The following OLFML2A variants were observed in gnomAD, a reference collection of about 807,000 sequenced individuals.
OLFML2A encodes olfactomedin-like protein 2A.
A neutral mutation model predicts 60.9 loss-of-function variants in OLFML2A; 47 were observed. That is an observed-to-expected ratio of 0.77 (90% CI 0.61 to 0.98). OLFML2A has a LOEUF of 0.98. OLFML2A is among the 50% of genes least tolerant of loss of function. The pLI, the probability that OLFML2A is intolerant of heterozygous loss-of-function variation, is 0.00. For synonymous variants in OLFML2A, 372 were observed against 375.0 expected (o/e 0.99, Z 0.09); for missense variants, 922 against 879.8 (o/e 1.05, Z -0.61).
chr9:124,796,019 A>G (rs558680589), intron 3 of OLFML2A, among the ~76,000 whole-genome samples: 2 of 152,246 alleles, frequency 1.3e-5, no homozygotes, highest in South Asian at 4.1e-4. Flanking sequence ...GCGCAGCCTC[A>G]CCTCCGCCTG....
intron 2 of OLFML2A, among the ~76,000 whole-genome samples, chr9:124,794,706 C>T (rs1258612193): frequency 6.6e-6 from 1 of 152,160 alleles, no homozygotes; most frequent in African/African-American, 2.4e-5. Context: ...ACTGCAACCC[C>T]CACCTTCTGG....
chr9:124,795,093 G>T lies in OLFML2A; in HGVS notation c.424G>T (p.Val142Phe). ...SMDLMKVHAY[V>F]HKVASQMNTL... ...GGACTTGATGAAGGTGCACGCCTAC[G>T]TCCACAAGGTGGCCTCCCAGATGAA... Residue 142 changes from valine (V) to phenylalanine (F), a missense_variant, in exon 3 of 8, where the codon GTC becomes TTC. Val to Phe is a conservative substitution (Grantham distance 50). Coordinates refer to ENST00000373580, the MANE Select transcript of OLFML2A (RefSeq NM_182487.4). 2 of 1,607,382 alleles carry T rather than the reference G, an allele frequency of 1.2e-6. No individual in the cohort carries two copies. The highest frequency in any genetic ancestry group is 1.1e-5 in the South Asian group (1 of 89,726).
At position 124,811,267 on chromosome 9, in the gene OLFML2A, C is replaced by T. The variant is rs1260653037; in HGVS notation, c.*855C>T. The T allele has an allele frequency of 6.5e-6, 1 of 152,684 alleles. No individual in the cohort carries two copies. Among genetic ancestry groups the T allele is most frequent in the Admixed American group, 6.5e-5 (1 of 15,290 alleles). The allele number at this position is 152,684 out of a possible 1,614,324, so 9.5% of individuals were successfully genotyped here. A position where few individuals can be genotyped will look rare whatever the true frequency, so the allele number is the denominator to read the frequency against. On this transcript the variant is annotated 3_prime_UTR_variant, in exon 8 of 8. Coordinates refer to ENST00000373580, the MANE Select transcript of OLFML2A (RefSeq NM_182487.4). ...AGGGTGGGGAGCTGAGCTGAGGCTC[C>T]CTCTCCACCCAGAAGCACTGGCGTT...
chr9:124,811,943 C>T lies in OLFML2A; in HGVS notation c.*1531C>T, dbSNP rs931567398. The T allele has an allele frequency of 6.6e-6, 1 of 152,324 alleles. No individual in the cohort carries two copies. The highest frequency in any genetic ancestry group is 2.4e-5 in the African/African-American group (1 of 41,460). The allele number at this position is 152,324 out of a possible 1,614,324, so 9.4% of individuals were successfully genotyped here. Reference sequence around the variant, plus strand: ...CGATCTCCTTCCAGAAGGGTTCTGTCTGTATCCTTTATTCTCCGCACATGG... The same window carrying T: ...CGATCTCCTTCCAGAAGGGTTCTGTTTGTATCCTTTATTCTCCGCACATGG... On this transcript the variant is annotated 3_prime_UTR_variant, in exon 8 of 8. Coordinates refer to ENST00000373580, the MANE Select transcript of OLFML2A (RefSeq NM_182487.4).
intron 1 of OLFML2A, among the ~76,000 whole-genome samples, chr9:124,786,132 A>C (rs1271364998): frequency 6.6e-6 from 1 of 151,990 alleles, no homozygotes; most frequent in Admixed American, 6.6e-5. Context: ...AAACAAAACA[A>C]AACAAAAAGA....
chr9:124,784,267 G>A (rs546032897), intron 1 of OLFML2A, among the ~76,000 whole-genome samples: 2 of 151,386 alleles, frequency 1.3e-5, no homozygotes, highest in African/African-American at 2.4e-5. Flanking sequence ...GAAGTGGCAC[G>A]ATCTTGGCTC....
In OLFML2A at chr9:124,777,446, C is replaced by G. The variant is rs1841279036; in HGVS notation, c.90+86C>G. 1 of 1,187,576 alleles carries G rather than the reference C, an allele frequency of 8.4e-7. No homozygotes were observed. The allele number at this position is 1,187,576 out of a possible 1,614,324, so 73.6% of individuals were successfully genotyped here. A position where few individuals can be genotyped will look rare whatever the true frequency, so the allele number is the denominator to read the frequency against. On this transcript the variant is annotated intron_variant, in intron 1 of 7. Transcript: ENST00000373580. The surrounding 1 kb of genome is among the most constrained non-coding windows in gnomAD (Gnocchi z 6.2). ...GGCTGGGGTGCGGCCCGGGAGGGAGCCCGGGGCCAGGGCGGAGGAGCCGGG... is the reference window on the plus strand; with the variant it reads ...GGCTGGGGTGCGGCCCGGGAGGGAGGCCGGGGCCAGGGCGGAGGAGCCGGG...
chr9:124,797,054 A>G (rs997136913), intron 3 of OLFML2A, among the ~76,000 whole-genome samples: 1 of 152,148 alleles, frequency 6.6e-6, no homozygotes, highest in Non-Finnish European at 1.5e-5. Flanking sequence ...GCCAGGGTAG[A>G]GTGCAGCCTC....
chr9:124,808,431 C>T (rs112921281), intron 7 of OLFML2A, among the ~76,000 whole-genome samples: 7 of 152,068 alleles, frequency 4.6e-5, no homozygotes, highest in Admixed American at 3.9e-4. Context: ...ATGGAGCTGA[C>T]GGCACAGGGA....
At position 124,814,877 on chromosome 9, in the gene OLFML2A, T is replaced by G. The variant is rs1842085348; in HGVS notation, c.*4465T>G. The G allele has an allele frequency of 6.6e-6, 1 of 152,244 alleles. No homozygotes were observed. The highest frequency in any genetic ancestry group is 2.4e-5 in the African/African-American group (1 of 41,460). 9.4% of individuals were successfully genotyped at this position (152,244 alleles called of 1,614,324 possible). A position where few individuals can be genotyped will look rare whatever the true frequency, so the allele number is the denominator to read the frequency against. On this transcript the variant is annotated 3_prime_UTR_variant, in exon 8 of 8. Coordinates refer to ENST00000373580, the MANE Select transcript of OLFML2A (RefSeq NM_182487.4). ...ATAAAGACATGATCAAAGGTTTGATTTAAAAGTCTGGACTAAATGCTGTGG... is the reference window on the plus strand; with the variant it reads ...ATAAAGACATGATCAAAGGTTTGATGTAAAAGTCTGGACTAAATGCTGTGG...
chr9:124,806,528 C>T (rs866973337), intron 6 of OLFML2A, among the ~76,000 whole-genome samples: 72 of 152,116 alleles, frequency 4.7e-4, no homozygotes, highest in South Asian at 2.5e-3. Flanking sequence ...CTCAATCCCC[C>T]CATCCACTAG....
chr9:124,783,275 C>T (rs1185070076), intron 1 of OLFML2A, among the ~76,000 whole-genome samples: 4 of 152,074 alleles, frequency 2.6e-5, no homozygotes. Context: ...AGTTTGAGAC[C>T]AGCCTGGCCA....
At position 124,810,116 on chromosome 9, in the gene OLFML2A, C is replaced by A. The variant is rs1361548239; in HGVS notation, c.1663C>A (p.Pro555Thr). The change falls in exon 8 of 8, where the codon CCC becomes ACC. Residue 555 changes from proline (P) to threonine (T), a missense_variant. By Grantham distance (38) the Pro-to-Thr change is conservative (BLOSUM62 -1). Coordinates refer to ENST00000373580, the MANE Select transcript of OLFML2A (RefSeq NM_182487.4). ...PEVIVLSRLD[P>T]GDLSVHRETT... ...GGTGATCGTCCTGAGTCGCTTGGACCCCGGCGATCTCTCCGTGCACCGGGA... is the reference window on the plus strand; with the variant it reads ...GGTGATCGTCCTGAGTCGCTTGGACACCGGCGATCTCTCCGTGCACCGGGA... The A allele has an allele frequency of 5.0e-6, 8 of 1,613,736 alleles. No homozygotes were observed. Among genetic ancestry groups the A allele is most frequent in the Non-Finnish European group, 6.8e-6 (8 of 1,180,028 alleles).
At chr9:124,793,045 C>A (rs1242632515) in intron 2 of OLFML2A, among the ~76,000 whole-genome samples, 1 of 152,198 alleles carries the variant, frequency 6.6e-6, no homozygotes, top group Non-Finnish European at 1.5e-5. Flanking sequence ...AGAAAAGCTC[C>A]CTGGCTTAAA....
At position 124,801,590 on chromosome 9, in the gene OLFML2A, C is replaced by T. The variant is rs776509268; in HGVS notation, c.846C>T (p.Ala282=). Residue 282 remains alanine (A), a synonymous_variant, in exon 5 of 8, where the codon GCC becomes GCT. Transcript: ENST00000373580. Reference sequence around the variant, plus strand: ...CCACAGCCAAGCCCCGCGCCCTGGCCCAGCAGCAGGCTGTGATCCGGGGCT... The same window carrying T: ...CCACAGCCAAGCCCCGCGCCCTGGCTCAGCAGCAGGCTGTGATCCGGGGCT... ...LQPTAKPRAL[A]QQQAVIRGFT... 1.2e-6 allele frequency: 2 copies of T among 1,613,938 alleles called. No individual in the cohort carries two copies. Among genetic ancestry groups the T allele is most frequent in the South Asian group, 1.1e-5 (1 of 91,080 alleles).
chr9:124,785,792 C>T (rs1295147336), intron 1 of OLFML2A, among the ~76,000 whole-genome samples: 1 of 151,994 alleles, frequency 6.6e-6, no homozygotes, highest in African/African-American at 2.4e-5. Context: ...ATTGAGGAAT[C>T]GCCAAACTTT....
chr9:124,798,692 G>A (rs1228318858), intron 3 of OLFML2A, among the ~76,000 whole-genome samples: 2 of 150,238 alleles, frequency 1.3e-5, no homozygotes, highest in African/African-American at 2.5e-5. Flanking sequence ...AAAATTAGCC[G>A]GGCATGTGGT....
Position 124,810,044 on chromosome 9 carries a change from T to TG in OLFML2A, c.1594dup (p.Val532GlyfsTer11). ...CTTTGCCGTGGACGAGAGCGGCCTG[T>TG]GGGTCATCTACCCCGCCGTGGACGA... On this transcript the variant is annotated frameshift_variant, in exon 8 of 8. Coordinates refer to ENST00000373580, the MANE Select transcript of OLFML2A (RefSeq NM_182487.4). LOFTEE classifies it high-confidence loss of function. The TG allele has an allele frequency of 6.2e-7, 1 of 1,613,908 alleles. No individual in the cohort carries two copies. The highest frequency in any genetic ancestry group is 1.1e-5 in the South Asian group (1 of 91,070).
intron 1 of OLFML2A, among the ~76,000 whole-genome samples, chr9:124,780,662 G>A (rs1368881217): frequency 6.6e-6 from 1 of 152,204 alleles, no homozygotes; most frequent in Non-Finnish European, 1.5e-5. Context: ...AGCCCTACTG[G>A]GTGTCTCTGC....
Sources: allele counts gnomAD v4.1 joint callset (sites outside exome capture counted in the v4.1 genomes callset), GRCh38; gene constraint gnomAD v4.1.1; non-coding constraint Gnocchi (gnomAD v3.1); transcripts MANE v1.5; gene names NCBI Gene and HGNC (gene_info 2026-07-23, HGNC 2026-07-21).